Variants in NR3C2 observed in about 807,000 individuals in gnomAD.
The protein encoded by NR3C2 is mineralocorticoid receptor.
In NR3C2, 15 loss-of-function variants were observed where a neutral mutation model predicts 86.4. That is an observed-to-expected ratio of 0.17 (90% confidence interval 0.12 to 0.27). The LOEUF (loss-of-function observed/expected upper bound fraction) is 0.27. NR3C2 is among the 10% of genes least tolerant of loss of function. The pLI is 1.00. For synonymous variants in NR3C2, 458 were observed against 450.5 expected (o/e 1.02, Z -0.21); for missense variants, 960 against 1,195.6 (o/e 0.80, Z 2.91).
intron 3 of NR3C2, among the ~76,000 whole-genome samples, chr4:148,222,838 T>C (rs894292658): frequency 3.3e-5 from 5 of 152,182 alleles, no homozygotes; most frequent in Non-Finnish European, 7.3e-5. Flanking sequence ...CTACCAGCTT[T>C]TTAGATACTA....
chr4:148,260,237 A>G (rs2149871987), intron 2 of NR3C2, 120 bp from the exon 3 acceptor site: 1 of 1,230,940 alleles, frequency 8.1e-7, no homozygotes, highest in Non-Finnish European at 1.2e-6. Context: ...GTGTGTAATG[A>G]CCACATACTA....
intron 2 of NR3C2, among the ~76,000 whole-genome samples, chr4:148,334,177 C>T (rs1324564581): frequency 2.0e-5 from 3 of 152,118 alleles, no homozygotes; most frequent in Non-Finnish European, 4.4e-5. Context: ...TAAAATGAGA[C>T]AGGCTTTGAT....
At chr4:148,294,566 A>G (rs1222555241) in intron 2 of NR3C2, among the ~76,000 whole-genome samples, 1 of 152,074 alleles carries the variant, frequency 6.6e-6, no homozygotes, top group African/African-American at 2.4e-5. Context: ...TATTTTCTAT[A>G]GTAATTTAAT....
intron 2 of NR3C2, among the ~76,000 whole-genome samples, chr4:148,370,064 T>C (rs1028853148): frequency 1.3e-5 from 2 of 152,192 alleles, no homozygotes; most frequent in Non-Finnish European, 2.9e-5. Flanking sequence ...AGTGTTTTTC[T>C]AGCGGTGGTG....
At chr4:148,269,413 T>G (rs941984302) in intron 2 of NR3C2, among the ~76,000 whole-genome samples, 1 of 152,152 alleles carries the variant, frequency 6.6e-6, no homozygotes, top group Non-Finnish European at 1.5e-5. Context: ...TAAACTATAT[T>G]AAAGTAAAAA....
chr4:148,439,516 C>T (rs1425394568), intron 1 of NR3C2, among the ~76,000 whole-genome samples: 1 of 152,252 alleles, frequency 6.6e-6, no homozygotes, highest in African/African-American at 2.4e-5. Context: ...ACTCACATAG[C>T]CTCATTCTCT....
chr4:148,142,439 T>C (rs1338276170), intron 6 of NR3C2, among the ~76,000 whole-genome samples: 1 of 152,108 alleles, frequency 6.6e-6, no homozygotes, highest in African/African-American at 2.4e-5. Flanking sequence ...ATTGTAATCC[T>C]CAGTGTTGGA....
At chr4:148,411,990 T>C (rs1368547123) in intron 2 of NR3C2, among the ~76,000 whole-genome samples, 1 of 152,188 alleles carries the variant, frequency 6.6e-6, no homozygotes, top group African/African-American at 2.4e-5. Flanking sequence ...GTTTCCGGGT[T>C]GGTCAGAGCT....
chr4:148,090,889 G>A (rs942671141), intron 8 of NR3C2, among the ~76,000 whole-genome samples: 2 of 152,212 alleles, frequency 1.3e-5, no homozygotes, highest in South Asian at 4.1e-4. Context: ...TGGGACCTTC[G>A]TGCATAACCT....
chr4:148,313,813 G>A lies in NR3C2; in HGVS notation c.1758-53696C>T, dbSNP rs138091264. Among the ~76,000 whole-genome samples, 425 of 152,254 alleles carry A rather than the reference G, an allele frequency of 2.8e-3. 2 individuals carry two copies. The highest frequency in any genetic ancestry group is 4.6e-3 in the Non-Finnish European group (311 of 68,002). On this transcript the variant is annotated intron_variant, in intron 2 of 8. Coordinates refer to ENST00000358102, the MANE Select transcript of NR3C2 (RefSeq NM_000901.5). ...GCAAAGATGGTGAACACACCCCCAG[G>A]CAATTCTCTTGCTAAGTTCAACAGT... is the stretch of plus-strand genomic sequence containing the variant.
Position 148,409,756 on chromosome 4 carries a change from C to T in NR3C2, c.1757+25348G>A, listed in dbSNP as rs142488257. 1.7e-3 allele frequency among the ~76,000 whole-genome samples: 262 copies of T among 152,162 alleles called. 1 individual carries two copies. The highest frequency in any genetic ancestry group is 5.9e-3 in the African/African-American group (246 of 41,552). On this transcript the variant is annotated intron_variant, in intron 2 of 8. Coordinates refer to ENST00000358102, the MANE Select transcript of NR3C2 (RefSeq NM_000901.5). ...TTTTTTGCCTAGCAGGTCCTTTTAACTATTATATCTCAAATAAGTTCACGG... is the reference window on the plus strand; with the variant it reads ...TTTTTTGCCTAGCAGGTCCTTTTAATTATTATATCTCAAATAAGTTCACGG...
intron 2 of NR3C2, among the ~76,000 whole-genome samples, chr4:148,411,367 A>T (rs115769590): frequency 9.1e-4 from 139 of 152,340 alleles, no homozygotes; most frequent in African/African-American, 2.9e-3. Flanking sequence ...TTAACATTTA[A>T]TGAAATCCAA....
At chr4:148,168,092 T>C (rs577363065) in intron 4 of NR3C2, among the ~76,000 whole-genome samples, 3 of 152,262 alleles carry the variant, frequency 2.0e-5, no homozygotes, top group South Asian at 2.1e-4. Context: ...TTTAGCTTCA[T>C]AGAACCATAC....
intron 2 of NR3C2, among the ~76,000 whole-genome samples, chr4:148,265,571 TA>T: frequency 6.6e-6 from 1 of 152,306 alleles, no homozygotes; most frequent in Admixed American, 6.5e-5. Flanking sequence ...ATTCTTCATG[TA>T]AAAAATAGTC....
At chr4:148,443,180 C>T (rs952672841), upstream of NR3C2, among the ~76,000 whole-genome samples, 2 of 134,262 alleles carry the variant, frequency 1.5e-5, no homozygotes, top group African/African-American at 6.1e-5. Context: ...TGGAAAAACC[C>T]TTTAAACACA....
Position 148,196,079 on chromosome 4 carries a change from G to A in NR3C2, c.1898-1217C>T, listed in dbSNP as rs563200332. Among the ~76,000 whole-genome samples the A allele has an allele frequency of 1.2e-4, 19 of 152,278 alleles. No homozygotes were observed. In the East Asian group the frequency reaches 2.3e-3, roughly 19 times the overall value. ...GTAGGAGGCAATTATTGTAACCTAC[G>A]GGAGAGAGGAAAGTGGGCTGGGTCA... On this transcript the variant is annotated intron_variant, in intron 3 of 8. Coordinates refer to ENST00000358102, the MANE Select transcript of NR3C2 (RefSeq NM_000901.5).
chr4:148,113,211 C>T (rs1426519753), intron 8 of NR3C2, among the ~76,000 whole-genome samples: 3 of 152,050 alleles, frequency 2.0e-5, no homozygotes, highest in African/African-American at 7.2e-5. Context: ...TGACACAAGA[C>T]AAGAAAGGTG....
chr4:148,322,527 AG>A (rs1464141587), intron 2 of NR3C2, among the ~76,000 whole-genome samples: 1 of 89,866 alleles, frequency 1.1e-5, no homozygotes, highest in East Asian at 3.4e-4. Flanking sequence ...AATCAGACGT[AG>A]ATTTGGTCTT....
upstream of NR3C2, chr4:148,443,090 GC>G (rs1006680980): frequency 8.1e-6 from 4 of 496,182 alleles, no homozygotes; most frequent in African/African-American, 8.4e-5. Context: ...TTACCTCTCA[GC>G]AGAGCAGCAG....
Sources: allele counts gnomAD v4.1 joint callset (sites outside exome capture counted in the v4.1 genomes callset), GRCh38; gene constraint gnomAD v4.1.1; transcripts MANE v1.5; gene names NCBI Gene and HGNC (gene_info 2026-07-23, HGNC 2026-07-21).